The following MUSK variants were observed in gnomAD, a reference collection of about 807,000 sequenced individuals.
The protein encoded by MUSK is muscle, skeletal receptor tyrosine-protein kinase.
Under a neutral mutation model 88.7 loss-of-function variants are expected in MUSK, and 55 were observed. That is an observed-to-expected ratio of 0.62 (90% CI 0.50 to 0.78). The LOEUF is 0.78. Ranked by LOEUF, MUSK falls within the 30% of genes least tolerant of loss-of-function variation. MUSK has a pLI of 0.00. For missense variants in MUSK, 1,015 were observed against 1,074.3 expected (o/e 0.94, Z 0.77); for synonymous variants, 387 against 391.9 (o/e 0.99, Z 0.15).
At chr9:110,689,401 A>G (rs1161853580) in intron 3 of MUSK, among the ~76,000 whole-genome samples, 1 of 115,442 alleles carries the variant, frequency 8.7e-6, no homozygotes, top group South Asian at 2.5e-4. Flanking sequence ...AAATATGTGA[A>G]AAATACATAT....
At chr9:110,800,218 T>G (rs1317093951) in intron 14 of MUSK, 88 bp from the exon 15 acceptor site, 1 of 1,207,698 alleles carries the variant, frequency 8.3e-7, no homozygotes, top group Non-Finnish European at 1.2e-6. Context: ...GCTTCATATG[T>G]TCTGACATGG....
intron 3 of MUSK, among the ~76,000 whole-genome samples, chr9:110,690,226 A>G (rs1357787821): frequency 9.4e-6 from 1 of 106,878 alleles, no homozygotes; most frequent in Non-Finnish European, 1.7e-5. Context: ...TTAAGTATAA[A>G]TATATATTTA....
At chr9:110,700,311 T>C (rs1341242097) in intron 5 of MUSK, among the ~76,000 whole-genome samples, 1 of 152,202 alleles carries the variant, frequency 6.6e-6, no homozygotes, top group Non-Finnish European at 1.5e-5. Flanking sequence ...ATAGAGAGGA[T>C]AGCTAACTTA....
chr9:110,743,152 T>A (rs1010419129), intron 6 of MUSK, among the ~76,000 whole-genome samples: 3 of 152,180 alleles, frequency 2.0e-5, no homozygotes, highest in Non-Finnish European at 4.4e-5. Flanking sequence ...CTCAGTACAA[T>A]GGGTACTCTG....
intron 3 of MUSK, among the ~76,000 whole-genome samples, chr9:110,691,112 A>T (rs10759460): frequency 6.6e-6 from 1 of 151,550 alleles, no homozygotes; most frequent in African/African-American, 2.4e-5. Flanking sequence ...TAATCTGCCC[A>T]CTTTGGCCTC....
chr9:110,700,719 C>G (rs1380554064), intron 5 of MUSK, among the ~76,000 whole-genome samples: 1 of 152,100 alleles, frequency 6.6e-6, no homozygotes, highest in African/African-American at 2.4e-5. Flanking sequence ...ACAAAATACT[C>G]AATGAAATGT....
chr9:110,797,991 C>T (rs996179456), intron 14 of MUSK, among the ~76,000 whole-genome samples: 8 of 152,182 alleles, frequency 5.3e-5, no homozygotes, highest in African/African-American at 1.9e-4. Context: ...TTGGAGTTTT[C>T]TCTCATTTTT....
At chr9:110,709,165 A>G (rs1048064578) in intron 5 of MUSK, among the ~76,000 whole-genome samples, 2 of 152,342 alleles carry the variant, frequency 1.3e-5, no homozygotes, top group African/African-American at 4.8e-5. Flanking sequence ...ATGGAAAGCT[A>G]TTAGAATTCT....
At chr9:110,758,977 A>C (rs1004233771) in intron 7 of MUSK, among the ~76,000 whole-genome samples, 3 of 152,212 alleles carry the variant, frequency 2.0e-5, no homozygotes, top group Admixed American at 6.5e-5. Context: ...TAGAAACAAA[A>C]CTATTCTAAA....
rs1164772341 is a variant in MUSK, at chr9:110,681,101, A to AT, written c.80-1572dup. Among the ~76,000 whole-genome samples the AT allele has an allele frequency of 3.7e-4, 14 of 38,086 alleles. 1 individual carries two copies. Among genetic ancestry groups the AT allele is most frequent in the African/African-American group, 2.0e-3 (14 of 7,096 alleles). 25.0% of individuals were successfully genotyped at this position (38,086 alleles called of 152,430 possible). On this transcript the variant is annotated intron_variant, in intron 1 of 14. Transcript: ENST00000374448. ...TATATTATATAATATATATTATATA[A>AT]TATATATTATATATAATATATATTA...
chr9:110,691,821 T>A (rs954513958), intron 3 of MUSK, among the ~76,000 whole-genome samples: 1 of 152,090 alleles, frequency 6.6e-6, no homozygotes, highest in Non-Finnish European at 1.5e-5. Flanking sequence ...TTTTTCAGAG[T>A]GTGAAGATGT....
At chr9:110,781,525 C>T (rs1445320033) in intron 11 of MUSK, among the ~76,000 whole-genome samples, 1 of 152,184 alleles carries the variant, frequency 6.6e-6, no homozygotes, top group Non-Finnish European at 1.5e-5. Flanking sequence ...ATTCACCCGC[C>T]TTAGCCTCCC....
At chr9:110,783,686 C>T (rs1248844179) in intron 11 of MUSK, among the ~76,000 whole-genome samples, 1 of 151,790 alleles carries the variant, frequency 6.6e-6, no homozygotes, top group African/African-American at 2.4e-5. Flanking sequence ...TTAACTTCTG[C>T]TTGTGTATGG....
intron 8 of MUSK, among the ~76,000 whole-genome samples, chr9:110,767,579 C>T (rs763603384): frequency 1.2e-4 from 18 of 151,984 alleles, no homozygotes; most frequent in Admixed American, 3.9e-4. Context: ...TCATAGTTCC[C>T]AAAGCTTTCC....
chr9:110,680,389 T>TC (rs2076092644), intron 1 of MUSK, among the ~76,000 whole-genome samples: 1 of 150,862 alleles, frequency 6.6e-6, no homozygotes. Context: ...TTTTCTTTTT[T>TC]TTTTTTTCTT....
At chr9:110,768,968 A>C (rs2077526750) in intron 9 of MUSK, among the ~76,000 whole-genome samples, 1 of 152,214 alleles carries the variant, frequency 6.6e-6, no homozygotes, top group East Asian at 1.9e-4. Context: ...TTATGTAGAA[A>C]AAAAAGAATC....
chr9:110,784,500 T>C (rs1046699197), intron 11 of MUSK, among the ~76,000 whole-genome samples: 1 of 152,174 alleles, frequency 6.6e-6, no homozygotes, highest in Non-Finnish European at 1.5e-5. Context: ...AATATTTTAT[T>C]TGATAATTTC....
intron 5 of MUSK, among the ~76,000 whole-genome samples, chr9:110,722,073 C>T (rs566747733): frequency 2.0e-5 from 3 of 152,264 alleles, no homozygotes; most frequent in East Asian, 1.9e-4. Flanking sequence ...TCACCTCTCA[C>T]CTTTTACAAA....
At chr9:110,781,468 G>A (rs2077757247) in intron 11 of MUSK, among the ~76,000 whole-genome samples, 1 of 152,022 alleles carries the variant, frequency 6.6e-6, no homozygotes, top group Non-Finnish European at 1.5e-5. Context: ...AGTAGAGATG[G>A]GGATTCACCG....
Sources: allele counts gnomAD v4.1 joint callset (sites outside exome capture counted in the v4.1 genomes callset), GRCh38; gene constraint gnomAD v4.1.1; transcripts MANE v1.5; gene names NCBI Gene and HGNC (gene_info 2026-07-23, HGNC 2026-07-21).